Variants in PDE4D observed in about 807,000 individuals in gnomAD.
PDE4D encodes phosphodiesterase 4D.
A neutral mutation model predicts 87.4 loss-of-function variants in PDE4D; 24 were observed. The observed-to-expected ratio is 0.27, with a 90% CI of 0.20 to 0.39. The LOEUF is 0.39. PDE4D is among the 10% of genes least tolerant of loss of function. PDE4D has a pLI of 1.00. For missense variants in PDE4D, 714 were observed against 1,041.0 expected (o/e 0.69, Z 4.32); for synonymous variants, 384 against 383.2 (o/e 1.00, Z -0.02).
chr5:59,291,921 G>A (rs1768115916), intron 1 of PDE4D, among the ~76,000 whole-genome samples: 1 of 151,830 alleles, frequency 6.6e-6, no homozygotes, highest in African/African-American at 2.4e-5. Flanking sequence ...GTGATTTTCA[G>A]AAGAAGGGAT....
chr5:59,668,743 AAG>A, intron 1 of PDE4D, among the ~76,000 whole-genome samples: 1 of 131,740 alleles, frequency 7.6e-6, no homozygotes, highest in African/African-American at 2.9e-5. Flanking sequence ...AAGAAAGAAG[AAG>A]AAGAAGAAGA....
intron 1 of PDE4D, among the ~76,000 whole-genome samples, chr5:59,687,154 T>C (rs1290139657): frequency 2.0e-5 from 3 of 152,168 alleles, no homozygotes; most frequent in Non-Finnish European, 4.4e-5. Flanking sequence ...TGTTTTGACA[T>C]TGATAACATA....
chr5:59,774,567 T>TC (rs61141177), intron 1 of PDE4D, among the ~76,000 whole-genome samples: 42 of 152,062 alleles, frequency 2.8e-4, no homozygotes, highest in Non-Finnish European at 4.9e-4. Flanking sequence ...GGGGTTTTTT[T>TC]CCTAGATTAA....
intron 7 of PDE4D, among the ~76,000 whole-genome samples, chr5:58,992,879 G>T (rs970673499): frequency 4.6e-5 from 7 of 152,092 alleles, no homozygotes; most frequent in Non-Finnish European, 8.8e-5. Context: ...AGGTACAAGA[G>T]TTGTCCCAGG....
At chr5:59,121,692 C>T (rs1774530653) in intron 5 of PDE4D, among the ~76,000 whole-genome samples, 1 of 152,140 alleles carries the variant, frequency 6.6e-6, no homozygotes, top group Non-Finnish European at 1.5e-5. Flanking sequence ...GAACTAACCA[C>T]TATGTCCGGC....
At chr5:60,416,120 G>T (rs1240603260) in intron 1 of PDE4D, among the ~76,000 whole-genome samples, 1 of 152,074 alleles carries the variant, frequency 6.6e-6, no homozygotes, top group Non-Finnish European at 1.5e-5. Flanking sequence ...TCTGTATCTA[G>T]CTAATCTAGT....
chr5:59,794,510 C>T (rs868522543), intron 1 of PDE4D, among the ~76,000 whole-genome samples: 10 of 152,162 alleles, frequency 6.6e-5, no homozygotes, highest in Admixed American at 1.3e-4. Flanking sequence ...CTTGCAGGTC[C>T]GCTTTCAGAG....
chr5:59,333,304 C>A (rs993694295), intron 1 of PDE4D, among the ~76,000 whole-genome samples: 2 of 151,878 alleles, frequency 1.3e-5, no homozygotes, highest in African/African-American at 4.8e-5. Context: ...TTTTCTTTTC[C>A]CTCAGGGATT....
At chr5:59,708,796 G>T (rs906026153) in intron 1 of PDE4D, among the ~76,000 whole-genome samples, 1 of 151,980 alleles carries the variant, frequency 6.6e-6, no homozygotes, top group East Asian at 1.9e-4. Flanking sequence ...TGATAAAGAG[G>T]TATTACCTAA....
chr5:59,897,001 A>G (rs1195872107), upstream of PDE4D, among the ~76,000 whole-genome samples: 1 of 152,108 alleles, frequency 6.6e-6, no homozygotes, highest in African/African-American at 2.4e-5. Flanking sequence ...TTGACCATAG[A>G]TTTTGGAGTT....
intron 1 of PDE4D, among the ~76,000 whole-genome samples, chr5:59,246,377 C>T (rs1758843354): frequency 6.6e-6 from 1 of 152,026 alleles, no homozygotes; most frequent in Non-Finnish European, 1.5e-5. Flanking sequence ...ATTACAGATA[C>T]TACTTAAAAA....
At chr5:60,016,011 TTCTC>T (rs557990158) in intron 2 of PDE4D, among the ~76,000 whole-genome samples, 689 of 146,602 alleles carry the variant, frequency 4.7e-3, no homozygotes, top group Middle Eastern at 7.2e-3. Context: ...ATAATCTCTG[TTCTC>T]TCTCTCTCTC....
At chr5:59,158,365 A>G (rs953404746) in intron 5 of PDE4D, among the ~76,000 whole-genome samples, 1 of 152,278 alleles carries the variant, frequency 6.6e-6, no homozygotes, top group South Asian at 2.1e-4. Flanking sequence ...CACTTATACA[A>G]TCGAGTCCCT....
rs973697014 is a variant in PDE4D at position 59,622,826 on chromosome 5, AC to A, written c.455+270341del. 3.9e-5 allele frequency among the ~76,000 whole-genome samples: 6 copies of A among 151,944 alleles called. No individual in the cohort carries two copies. The East Asian group carries it at 9.7e-4, about 24-fold the overall frequency. ...TACTTTAAACCATGGCAAATTCATCACCCCTCCAAAGTGCTGACTAATATCT... is the reference window on the plus strand; with the variant it reads ...TACTTTAAACCATGGCAAATTCATCACCCTCCAAAGTGCTGACTAATATCT... On this transcript the variant is annotated intron_variant, in intron 1 of 14. Transcript: ENST00000340635.
In PDE4D at chr5:59,403,145, A is replaced by AGGTAGG. The variant is rs373517250; in HGVS notation, c.456-187178_456-187177insCCTACC. ...TGGTACATAATAGGTAGGTAGGTAG[A>AGGTAGG]CAGACAGACAGACAGACAGACAGAC... On this transcript the variant is annotated intron_variant, in intron 1 of 14. Transcript: ENST00000340635. Among the ~76,000 whole-genome samples the AGGTAGG allele has an allele frequency of 3.9e-3, 506 of 130,394 alleles. 3 individuals carry two copies. The highest frequency in any genetic ancestry group is 0.013 in the African/African-American group (477 of 36,038). 85.5% of individuals were successfully genotyped at this position (130,394 alleles called of 152,430 possible).
At chr5:60,143,548 T>C (rs1780724282) in intron 2 of PDE4D, among the ~76,000 whole-genome samples, 1 of 150,924 alleles carries the variant, frequency 6.6e-6, no homozygotes, top group Non-Finnish European at 1.5e-5. Context: ...AAGAACGCCA[T>C]TGCCTGAGTC....
intron 1 of PDE4D, among the ~76,000 whole-genome samples, chr5:59,639,936 CTTT>C (rs111495519): frequency 7.8e-6 from 1 of 128,074 alleles, no homozygotes; most frequent in Admixed American, 7.8e-5. Context: ...TGTAACAGTT[CTTT>C]TTTTTTTTTT....
chr5:58,975,952 G>T lies in PDE4D; in HGVS notation c.1831-113C>A, dbSNP rs1292772382. 2.6e-6 allele frequency: 2 copies of T among 772,116 alleles called. No homozygotes were observed. Among genetic ancestry groups the T allele is most frequent in the Non-Finnish European group, 3.9e-6 (2 of 518,302 alleles). 47.8% of individuals were successfully genotyped at this position (772,116 alleles called of 1,614,324 possible). On this transcript the variant is annotated intron_variant, in intron 13 of 14. Coordinates refer to ENST00000340635, the MANE Select transcript of PDE4D (RefSeq NM_001104631.2). This position sits in a 1 kb window ranked among gnomAD's most constrained non-coding sequence, Gnocchi z 4.2. ...ACTGCAACACTTAAAAATACACGTA[G>T]TGTAAGATTTATTCCAAACAGCTCA... is the stretch of plus-strand genomic sequence containing the variant.
intron 1 of PDE4D, among the ~76,000 whole-genome samples, chr5:59,502,159 TA>T (rs1342557709): frequency 6.6e-6 from 1 of 152,154 alleles, no homozygotes; most frequent in Non-Finnish European, 1.5e-5. Flanking sequence ...AAGCACTCAG[TA>T]AAGTTTATTA....
Sources: allele counts gnomAD v4.1 joint callset (sites outside exome capture counted in the v4.1 genomes callset), GRCh38; gene constraint gnomAD v4.1.1; non-coding constraint Gnocchi (gnomAD v3.1); transcripts MANE v1.5; gene names NCBI Gene and HGNC (gene_info 2026-07-23, HGNC 2026-07-21).